The following HYAL4 variants were observed in gnomAD, a reference collection of about 807,000 sequenced individuals.
HYAL4 encodes the protein hyaluronidase-4.
HYAL4 carries 37 observed loss-of-function variants against 35.2 expected under a neutral mutation model. The observed-to-expected ratio is 1.05, with a 90% CI of 0.81 to 1.38. HYAL4 has a LOEUF of 1.38. Among genes scored for constraint, HYAL4 ranks in the 40% most tolerant of loss-of-function variants. The probability of loss-of-function intolerance (pLI) is 0.00; values close to 1 mark genes in which losing one functional copy is unlikely to be tolerated. For missense variants in HYAL4, 572 were observed against 572.4 expected, an observed-to-expected ratio of 1.00 and a Z score of 0.01; for synonymous variants, 198 against 203.2, an observed-to-expected ratio of 0.97 and a Z score of 0.22.
intron 1 of HYAL4, among the ~76,000 whole-genome samples, chr7:123,836,145 G>A (rs1805960378): frequency 6.6e-6 from 1 of 152,088 alleles, no homozygotes; most frequent in South Asian, 2.1e-4. Context: ...CTTTCTTCTT[G>A]ATGACCTGTC....
chr7:123,777,486 A>C, the HYAL4 span, among the ~76,000 whole-genome samples: 1 of 152,160 alleles, frequency 6.6e-6, no homozygotes, highest in African/African-American at 2.4e-5. Context: ...GACAGAGTTG[A>C]CTGATATTTA....
chr7:123,788,602 G>A, the HYAL4 span, among the ~76,000 whole-genome samples: 1 of 152,164 alleles, frequency 6.6e-6, no homozygotes, highest in African/African-American at 2.4e-5. Context: ...TTACTAAAGT[G>A]TTCTGAATTT....
upstream of HYAL4, among the ~76,000 whole-genome samples, chr7:123,842,698 A>T (rs1806093861): frequency 6.6e-6 from 1 of 152,010 alleles, no homozygotes; most frequent in Non-Finnish European, 1.5e-5. Flanking sequence ...GGATGCATAT[A>T]TATTTAGGAT....
At chr7:123,772,777 T>C in the HYAL4 span, among the ~76,000 whole-genome samples, 1 of 152,214 alleles carries the variant, frequency 6.6e-6, no homozygotes, top group Non-Finnish European at 1.5e-5. Flanking sequence ...CTCTTCCTGA[T>C]GAAAGCTGCT....
upstream of HYAL4, among the ~76,000 whole-genome samples, chr7:123,825,097 A>G (rs1045445426): frequency 6.6e-6 from 1 of 152,034 alleles, no homozygotes; most frequent in African/African-American, 2.4e-5. Context: ...TTTGGGTTTC[A>G]GGTGAAATCT....
At chr7:123,853,117 C>G (rs937052222) in intron 2 of HYAL4, among the ~76,000 whole-genome samples, 1 of 152,160 alleles carries the variant, frequency 6.6e-6, no homozygotes, top group African/African-American at 2.4e-5. Context: ...AGTTGCTTAT[C>G]AGCTTAAGGA....
At chr7:123,791,928 C>A in the HYAL4 span, among the ~76,000 whole-genome samples, 12 of 152,332 alleles carry the variant, frequency 7.9e-5, no homozygotes, top group South Asian at 2.3e-3. Context: ...TGAAGAAATT[C>A]ACAATTCTCC....
intron 1 of HYAL4, among the ~76,000 whole-genome samples, chr7:123,832,531 G>A (rs1394568104): frequency 1.6e-4 from 15 of 96,426 alleles, no homozygotes; most frequent in African/African-American, 6.0e-4. Context: ...ACAGAGTCTC[G>A]CTCTGTCGCT....
intron 3 of HYAL4, among the ~76,000 whole-genome samples, chr7:123,871,189 C>A (rs1806872881): frequency 6.6e-6 from 1 of 151,542 alleles, no homozygotes; most frequent in Non-Finnish European, 1.5e-5. Context: ...AAAATCTGCC[C>A]ATGATTTTTT....
chr7:123,823,669 T>C, the HYAL4 span, among the ~76,000 whole-genome samples: 1 of 150,254 alleles, frequency 6.7e-6, no homozygotes, highest in Non-Finnish European at 1.5e-5. Context: ...TTTTTCATTT[T>C]TAGTTCTAGA....
chr7:123,871,667 ACTTAGTGT>A (rs1353344797), intron 3 of HYAL4, among the ~76,000 whole-genome samples: 1 of 152,188 alleles, frequency 6.6e-6, no homozygotes, highest in Non-Finnish European at 1.5e-5. Context: ...ACCTCCCTGG[ACTTAGTGT>A]CTTAGTGTCT....
the HYAL4 span, among the ~76,000 whole-genome samples, chr7:123,769,830 A>C: frequency 6.6e-5 from 10 of 152,130 alleles, no homozygotes; most frequent in East Asian, 1.7e-3. Context: ...TGAAAAAAAA[A>C]AAAAAACACC....
intron 3 of HYAL4, among the ~76,000 whole-genome samples, chr7:123,873,179 T>C (rs919041160): frequency 6.6e-6 from 1 of 152,162 alleles, no homozygotes; most frequent in Non-Finnish European, 1.5e-5. Flanking sequence ...GGATGGCTCC[T>C]CCTCTGTCCC....
chr7:123,765,658 A>G, the HYAL4 span, among the ~76,000 whole-genome samples: 1 of 152,200 alleles, frequency 6.6e-6, no homozygotes, highest in Non-Finnish European at 1.5e-5. Flanking sequence ...ATTTTATCAG[A>G]AATTAAAACT....
At chr7:123,842,980 G>A (rs1457906827), upstream of HYAL4, among the ~76,000 whole-genome samples, 1 of 151,748 alleles carries the variant, frequency 6.6e-6, no homozygotes. Flanking sequence ...TTTTAATTGG[G>A]GCATTTAGTC....
the HYAL4 span, among the ~76,000 whole-genome samples, chr7:123,809,457 G>A: frequency 3.3e-4 from 49 of 147,080 alleles, no homozygotes; most frequent in Non-Finnish European, 5.6e-4. Context: ...GTGCTGTGGC[G>A]TGATCTCGGC....
rs1237834332 is a variant in HYAL4, at chr7:123,868,246, G to A, written c.-28G>A. 3.0e-6 allele frequency: 4 copies of A among 1,342,304 alleles called. No homozygotes were observed. The highest frequency in any genetic ancestry group is 4.0e-6 in the Non-Finnish European group (4 of 988,446). 83.1% of individuals were successfully genotyped at this position (1,342,304 alleles called of 1,614,324 possible). A position where few individuals can be genotyped will look rare whatever the true frequency, so the allele number is the denominator to read the frequency against. ...AGGTCTTCTAGAGTGCACTAAAGCA[G>A]AAGATAACGTAACATTTTTATCTTA... On this transcript the variant is annotated 5_prime_UTR_variant, in exon 3 of 5. Coordinates refer to ENST00000223026, the MANE Select transcript of HYAL4 (RefSeq NM_012269.3).
chr7:123,805,721 G>C, the HYAL4 span, among the ~76,000 whole-genome samples: 3 of 152,106 alleles, frequency 2.0e-5, no homozygotes, highest in African/African-American at 2.4e-5. Flanking sequence ...AAAATCCACT[G>C]TACTAATTGT....
chr7:123,825,863 T>G (rs564231756), upstream of HYAL4, among the ~76,000 whole-genome samples: 1 of 152,284 alleles, frequency 6.6e-6, no homozygotes, highest in African/African-American at 2.4e-5. Flanking sequence ...ACTTTATTAT[T>G]TCTTTTCATG....
Sources: gnomAD v4.1 joint callset for allele counts (sites outside exome capture counted in the v4.1 genomes callset) on GRCh38, gnomAD v4.1.1 for gene constraint, MANE v1.5 for transcripts, NCBI Gene and HGNC (gene_info 2026-07-23, HGNC 2026-07-21) for gene names.